UGT3A2: variants seen among roughly 807,000 people sequenced by gnomAD.
UGT3A2 encodes the protein UDP-glycosyltransferase 3A2.
Under a neutral mutation model 39.8 loss-of-function variants are expected in UGT3A2, and 32 were observed. The observed-to-expected ratio is 0.80, with a 90% CI of 0.61 to 1.08. The LOEUF is 1.08. Among genes scored for constraint, UGT3A2 ranks in the 50% least tolerant of loss-of-function variants. The probability of loss-of-function intolerance (pLI) is 0.00; values close to 1 mark genes in which losing one functional copy is unlikely to be tolerated. For synonymous variants in UGT3A2, 241 were observed against 230.7 expected (o/e 1.04, Z -0.40); for missense variants, 611 against 637.1 (o/e 0.96, Z 0.44).
At chr5:36,058,666 G>T (rs952019225) in intron 2 of UGT3A2, among the ~76,000 whole-genome samples, 1 of 152,144 alleles carries the variant, frequency 6.6e-6, no homozygotes, top group Non-Finnish European at 1.5e-5. Context: ...AAATAAGAAG[G>T]GTTGTGGAAG....
intron 4 of UGT3A2, among the ~76,000 whole-genome samples, chr5:36,048,611 T>C (rs1039530115): frequency 2.0e-5 from 3 of 152,232 alleles, no homozygotes; most frequent in Non-Finnish European, 4.4e-5. Context: ...AATGAAACTT[T>C]AATACAGGGC....
chr5:36,040,870 G>A (rs1162528353), intron 4 of UGT3A2, among the ~76,000 whole-genome samples: 6 of 152,196 alleles, frequency 3.9e-5, no homozygotes. Context: ...AGGCAGGGCA[G>A]CTCAGAGCTC....
intron 4 of UGT3A2, among the ~76,000 whole-genome samples, chr5:36,043,674 A>G (rs1431622839): frequency 6.6e-6 from 1 of 152,096 alleles, no homozygotes; most frequent in Non-Finnish European, 1.5e-5. Flanking sequence ...AAAAAGAGAC[A>G]TTACAACTGA....
chr5:36,064,161 A>T (rs1279320905), intron 2 of UGT3A2, 88 bp downstream of exon 2: 5 of 1,247,652 alleles, frequency 4.0e-6, no homozygotes, highest in African/African-American at 1.5e-5. Context: ...TTAGATTTTT[A>T]AAAAACATTT....
At chr5:36,056,330 G>C (rs1465847166) in intron 2 of UGT3A2, among the ~76,000 whole-genome samples, 1 of 152,242 alleles carries the variant, frequency 6.6e-6, no homozygotes, top group African/African-American at 2.4e-5. Context: ...TGTTTCTCCA[G>C]GGTATAAAAC....
intron 3 of UGT3A2, among the ~76,000 whole-genome samples, chr5:36,049,773 C>T (rs1303526421): frequency 1.3e-5 from 2 of 152,146 alleles, no homozygotes. Context: ...CCCTCATTTA[C>T]ACATGGAGTT....
At position 36,066,798 on chromosome 5, in the gene UGT3A2, C is replaced by T. The variant is rs202107791; in HGVS notation, c.-9G>A. 22 of 1,614,170 alleles carry T rather than the reference C, an allele frequency of 1.4e-5. No homozygotes were observed. Among genetic ancestry groups the T allele is most frequent in the Non-Finnish European group, 1.9e-5 (22 of 1,180,006 alleles). On this transcript the variant is annotated 5_prime_UTR_variant, in exon 1 of 7. Coordinates refer to ENST00000282507, the MANE Select transcript of UGT3A2 (RefSeq NM_174914.4). ...ACTCGCTGCCCAGCCATGCTCACTT[C>T]TACGGAAGCCGCGGATCTCAGCCTG... is the stretch of plus-strand genomic sequence containing the variant.
At chr5:36,064,517 C>T (rs796648717) in intron 1 of UGT3A2, among the ~76,000 whole-genome samples, 167 bp from the exon 2 acceptor site, 11 of 152,202 alleles carry the variant, frequency 7.2e-5, no homozygotes, top group African/African-American at 2.4e-4. Flanking sequence ...ACCCAGCCCA[C>T]TCACCCAGAG....
At chr5:36,045,600 CA>C (rs201945740) in intron 4 of UGT3A2, among the ~76,000 whole-genome samples, 607 of 88,986 alleles carry the variant, frequency 6.8e-3, no homozygotes, top group African/African-American at 0.021. Flanking sequence ...TCCTCAGTCT[CA>C]AAAAAAAAAA....
intron 3 of UGT3A2, among the ~76,000 whole-genome samples, chr5:36,050,070 C>T (rs1225124050): frequency 2.0e-5 from 3 of 150,144 alleles, no homozygotes; most frequent in Non-Finnish European, 4.4e-5. Flanking sequence ...ATTATTATTC[C>T]TTTATTATTG....
At chr5:36,060,773 G>C (rs1742669265) in intron 2 of UGT3A2, among the ~76,000 whole-genome samples, 1 of 152,166 alleles carries the variant, frequency 6.6e-6, no homozygotes, top group Admixed American at 6.5e-5. Context: ...TTAATAAGTA[G>C]AGTTCCACTT....
intron 4 of UGT3A2, 100 bp from the exon 5 acceptor site, chr5:36,039,808 G>A: frequency 1.2e-6 from 1 of 859,404 alleles, no homozygotes; most frequent in Admixed American, 2.2e-5. Context: ...ACAGTGCCCT[G>A]TCCTCACTGT....
rs1469885438 is a variant in UGT3A2, at chr5:36,035,921, C to T, written c.1349G>A (p.Ser450Asn). Residue 450 changes from serine to asparagine, a missense_variant, in exon 7 of 7, where the codon AGC becomes AAC. Coordinates refer to ENST00000282507, the MANE Select transcript of UGT3A2 (RefSeq NM_174914.4). Reference sequence around the variant, plus strand: ...CCAGCCCACCAGCCGCTGTGTGGGGCTGAGCGGGTGGGAGCGCAGGATGAC... The same window carrying T: ...CCAGCCCACCAGCCGCTGTGTGGGGTTGAGCGGGTGGGAGCGCAGGATGAC... ...ASVILRSHPL[S>N]PTQRLVGWID... The T allele has an allele frequency of 3.7e-6, 6 of 1,614,210 alleles. No individual in the cohort carries two copies. The highest frequency in any genetic ancestry group is 5.1e-6 in the Non-Finnish European group (6 of 1,180,044).
intron 3 of UGT3A2, 120 bp from the exon 4 acceptor site, chr5:36,049,540 A>G: frequency 1.3e-6 from 1 of 750,914 alleles, no homozygotes; most frequent in Non-Finnish European, 2.1e-6. Flanking sequence ...GCAGTCACCC[A>G]CAAATTCAAC....
chr5:36,036,111 C>G, intron 6 of UGT3A2, 137 bp from the exon 7 acceptor site: 1 of 1,129,470 alleles, frequency 8.9e-7, no homozygotes, highest in Non-Finnish European at 1.2e-6. Flanking sequence ...ACCTGGTTCC[C>G]CTTGAAATTT....
At chr5:36,062,501 T>C (rs2111775997) in intron 2 of UGT3A2, among the ~76,000 whole-genome samples, 1 of 151,888 alleles carries the variant, frequency 6.6e-6, no homozygotes, top group African/African-American at 2.4e-5. Flanking sequence ...AAATAGGGAA[T>C]CCTTTCCCCA....
intron 6 of UGT3A2, 48 bp from the exon 7 acceptor site, chr5:36,036,022 A>T: frequency 2.5e-6 from 4 of 1,593,412 alleles, no homozygotes; most frequent in Non-Finnish European, 3.4e-6. Context: ...ACCTCACAAG[A>T]GTTAGAATGT....
At chr5:36,038,151 G>A in intron 5 of UGT3A2, 135 bp from the exon 6 acceptor site, 1 of 909,642 alleles carries the variant, frequency 1.1e-6, no homozygotes, top group South Asian at 1.9e-5. Flanking sequence ...GACTGTGCTT[G>A]GGACACATCC....
chr5:36,039,358 A>G (rs1741929252), intron 5 of UGT3A2, 119 bp downstream of exon 5: 5 of 976,902 alleles, frequency 5.1e-6, no homozygotes, highest in Non-Finnish European at 7.7e-6. Flanking sequence ...TTTTCTGCCC[A>G]CTGAGCCTTA....
Sources: allele counts gnomAD v4.1 joint callset (sites outside exome capture counted in the v4.1 genomes callset), GRCh38; gene constraint gnomAD v4.1.1; transcripts MANE v1.5; gene names NCBI Gene and HGNC (gene_info 2026-07-23, HGNC 2026-07-21).